NBAS: variants seen among roughly 807,000 people sequenced by gnomAD.
The protein encoded by NBAS is NAG/BC035112 fusion.
A neutral mutation model predicts 302.5 loss-of-function variants in NBAS; 219 were observed. The ratio of observed to expected loss-of-function variants is 0.72; its 90% CI spans 0.65 to 0.81. The LOEUF (loss-of-function observed/expected upper bound fraction) is 0.81. Ranked by LOEUF, NBAS falls within the 30% of genes least tolerant of loss-of-function variation. The pLI, the probability that NBAS is intolerant of heterozygous loss-of-function variation, is 0.00. For synonymous variants in NBAS, 1,118 were observed against 1,021.6 expected (o/e 1.09, Z -1.80); for missense variants, 2,932 against 2,841.6 (o/e 1.03, Z -0.72).
At chr2:15,397,281 T>G (rs1675910083) in intron 26 of NBAS, among the ~76,000 whole-genome samples, 2 of 152,236 alleles carry the variant, frequency 1.3e-5, no homozygotes, top group Non-Finnish European at 2.9e-5. Flanking sequence ...GAAACACTGC[T>G]GCTGCCACTC....
At chr2:14,996,824 C>A in the NBAS span, among the ~76,000 whole-genome samples, 1 of 152,106 alleles carries the variant, frequency 6.6e-6, no homozygotes, top group African/African-American at 2.4e-5. Flanking sequence ...CTGTCACCAC[C>A]CCCTCAATTT....
rs1363477863 is a variant in NBAS, at chr2:15,190,287, C to T, written c.6549G>A (p.Trp2183Ter). Residue 2183 changes from tryptophan to a stop codon, truncating the protein, a stop_gained, in exon 49 of 52, where the codon TGG (tryptophan) becomes TGA (stop). Transcript: ENST00000281513. LOFTEE classifies it high-confidence loss of function. ...FQHLVLLLQA[W>*]PPMKSEYVIT... ...ACACATATTCACTTTTCATAGGTGG[C>T]CAAGCTTGCAAAAGTAAAACCAAGT... The T allele has an allele frequency of 6.2e-7, 1 of 1,613,810 alleles. No homozygotes were observed. Among genetic ancestry groups the T allele is most frequent in the Admixed American group, 1.7e-5 (1 of 59,980 alleles).
At chr2:15,212,582 T>C (rs1666463495) in intron 48 of NBAS, among the ~76,000 whole-genome samples, 1 of 152,288 alleles carries the variant, frequency 6.6e-6, no homozygotes, top group East Asian at 1.9e-4. Context: ...CCTGATATGT[T>C]TGGCTGTGTC....
intron 21 of NBAS, among the ~76,000 whole-genome samples, chr2:15,441,518 GA>G (rs1678404864): frequency 6.6e-6 from 1 of 151,962 alleles, no homozygotes; most frequent in East Asian, 1.9e-4. Flanking sequence ...ACTAAACATG[GA>G]AAGGAACAAC....
At chr2:14,886,892 A>G in the NBAS span, 1 of 152,224 alleles carries the variant, frequency 6.6e-6, no homozygotes, top group African/African-American at 2.4e-5. Context: ...TCATCAGATC[A>G]ATACTTCCTG....
chr2:15,410,864 T>C (rs1460146776), intron 25 of NBAS, among the ~76,000 whole-genome samples: 1 of 152,176 alleles, frequency 6.6e-6, no homozygotes, highest in Non-Finnish European at 1.5e-5. Context: ...TAGCAAAGGT[T>C]GTCCAAGACT....
chr2:14,868,337 G>A, the NBAS span, among the ~76,000 whole-genome samples: 1 of 151,970 alleles, frequency 6.6e-6, no homozygotes, highest in Non-Finnish European at 1.5e-5. Flanking sequence ...TTCTAATATT[G>A]GAAGTAATTA....
At chr2:14,944,170 G>A in the NBAS span, among the ~76,000 whole-genome samples, 4 of 152,114 alleles carry the variant, frequency 2.6e-5, no homozygotes, top group East Asian at 7.7e-4. Context: ...CATGGTGGCG[G>A]GCGCCTGTAG....
At chr2:15,305,449 GTTTTTTTT>G (rs35136896) in intron 40 of NBAS, among the ~76,000 whole-genome samples, 1 of 123,804 alleles carries the variant, frequency 8.1e-6, no homozygotes, top group African/African-American at 3.0e-5. Flanking sequence ...GTCTCGAGCA[GTTTTTTTT>G]TTTTTTTTTT....
intron 47 of NBAS, among the ~76,000 whole-genome samples, chr2:15,228,797 T>C (rs539381822): frequency 6.6e-6 from 1 of 152,180 alleles, no homozygotes; most frequent in East Asian, 1.9e-4. Context: ...GAGAGTAGAT[T>C]GGTGGTTGCT....
the NBAS span, among the ~76,000 whole-genome samples, chr2:14,958,401 A>C: frequency 1.3e-5 from 2 of 152,206 alleles, no homozygotes; most frequent in Non-Finnish European, 2.9e-5. Context: ...GAACTCTGAG[A>C]GAAAATGCTA....
the NBAS span, among the ~76,000 whole-genome samples, chr2:14,915,049 T>C: frequency 1.7e-4 from 26 of 152,100 alleles, no homozygotes; most frequent in African/African-American, 6.3e-4. Flanking sequence ...ATACAGAGAG[T>C]CATCCACATG....
the NBAS span, among the ~76,000 whole-genome samples, chr2:14,979,458 G>A: frequency 7.7e-3 from 1,165 of 152,236 alleles, 4 homozygotes; most frequent in Middle Eastern, 0.034. Context: ...TTCAACCATC[G>A]TTACCTTAAA....
intron 42 of NBAS, among the ~76,000 whole-genome samples, chr2:15,278,395 A>T (rs1426164122): frequency 6.6e-6 from 1 of 152,182 alleles, no homozygotes; most frequent in Non-Finnish European, 1.5e-5. Context: ...GCACATGCTG[A>T]ATATCCTTCT....
the NBAS span, among the ~76,000 whole-genome samples, chr2:14,791,905 C>T: frequency 6.6e-6 from 1 of 152,114 alleles, no homozygotes; most frequent in East Asian, 1.9e-4. Flanking sequence ...AACAAGCAGC[C>T]TGATCCCGAA....
intron 23 of NBAS, 42 bp downstream of exon 23, chr2:15,424,273 T>C: frequency 1.2e-6 from 2 of 1,611,196 alleles, no homozygotes; most frequent in Admixed American, 1.7e-5. Flanking sequence ...TCCAAGGCAG[T>C]TCCACTAACA....
the NBAS span, among the ~76,000 whole-genome samples, chr2:15,137,930 C>G: frequency 1.3e-5 from 2 of 152,162 alleles, no homozygotes; most frequent in Non-Finnish European, 2.9e-5. Context: ...CCACCACGTC[C>G]AGCTAAAATG....
At chr2:15,505,505 T>C (rs1283830187) in intron 10 of NBAS, among the ~76,000 whole-genome samples, 3 of 152,020 alleles carry the variant, frequency 2.0e-5, no homozygotes, top group East Asian at 3.9e-4. Flanking sequence ...GGGGCAAATG[T>C]AGTGTGCAGC....
chr2:15,296,895 TA>T (rs1670576329), intron 40 of NBAS, among the ~76,000 whole-genome samples: 1 of 152,214 alleles, frequency 6.6e-6, no homozygotes, highest in Non-Finnish European at 1.5e-5. Flanking sequence ...CCACAAATTA[TA>T]GCCATCAGAT....
Sources: gnomAD v4.1 joint callset for allele counts (sites outside exome capture counted in the v4.1 genomes callset) on GRCh38, gnomAD v4.1.1 for gene constraint, MANE v1.5 for transcripts, NCBI Gene and HGNC (gene_info 2026-07-23, HGNC 2026-07-21) for gene names.